ANXA10: variants seen among roughly 807,000 people sequenced by gnomAD.
ANXA10 encodes annexin 14.
In ANXA10, 49 loss-of-function variants were observed where a neutral mutation model predicts 53.5. The observed-to-expected ratio is 0.92, with a 90% CI of 0.73 to 1.16. The LOEUF (loss-of-function observed/expected upper bound fraction) is 1.16. ANXA10 is among the 50% of genes most tolerant of loss of function. The probability of loss-of-function intolerance (pLI) is 0.00; values close to 1 mark genes in which losing one functional copy is unlikely to be tolerated. For synonymous variants in ANXA10, 131 were observed against 128.9 expected, an observed-to-expected ratio of 1.02 and a Z score of -0.11; for missense variants, 393 against 394.4, an observed-to-expected ratio of 1.00 and a Z score of 0.03.
intron 3 of ANXA10, among the ~76,000 whole-genome samples, chr4:168,156,367 T>A (rs1449688658): frequency 1.4e-4 from 2 of 14,102 alleles, no homozygotes; most frequent in Non-Finnish European, 3.2e-4. Flanking sequence ...TATTATATAG[T>A]ATATATAATA....
At chr4:168,174,485 G>C (rs1483963691) in intron 6 of ANXA10, among the ~76,000 whole-genome samples, 1 of 152,162 alleles carries the variant, frequency 6.6e-6, no homozygotes, top group African/African-American at 2.4e-5. Flanking sequence ...TGCGGGCTGA[G>C]TGCGCAGTCA....
intron 1 of ANXA10, among the ~76,000 whole-genome samples, chr4:168,095,120 C>T (rs1355074831): frequency 6.6e-6 from 1 of 151,938 alleles, no homozygotes; most frequent in East Asian, 1.9e-4. Flanking sequence ...AGGATCTAAA[C>T]CCAGGTATCT....
intron 3 of ANXA10, among the ~76,000 whole-genome samples, chr4:168,156,498 G>A (rs1166969537): frequency 7.2e-6 from 1 of 139,494 alleles, no homozygotes; most frequent in South Asian, 2.2e-4. Flanking sequence ...CTTGTTTTTT[G>A]TTTTGTTTTG....
chr4:168,138,935 G>A lies in ANXA10; in HGVS notation c.101-551G>A, dbSNP rs139850874. Among the ~76,000 whole-genome samples the A allele has an allele frequency of 3.1e-3, 465 of 152,166 alleles. 6 individuals are homozygous for A. The highest frequency in any genetic ancestry group is 0.01 in the African/African-American group (427 of 41,518). ...ATAGAAATGCTGCTGATTTTCATAC[G>A]TTGCTTTTGTATCCTGAAACTTTAC... On this transcript the variant is annotated intron_variant, in intron 2 of 11. Coordinates refer to ENST00000359299, the MANE Select transcript of ANXA10 (RefSeq NM_007193.5).
At chr4:168,137,359 T>G (rs1007307732) in intron 2 of ANXA10, among the ~76,000 whole-genome samples, 1 of 152,208 alleles carries the variant, frequency 6.6e-6, no homozygotes, top group African/African-American at 2.4e-5. Context: ...GAGTCTGTGC[T>G]TTTAGTGTAC....
In ANXA10 at chr4:168,153,493, A is replaced by ACAGCAAG. The variant is rs111707904; in HGVS notation, c.196-9032_196-9031insCAAGCAG. On this transcript the variant is annotated intron_variant, in intron 3 of 11. Coordinates refer to ENST00000359299, the MANE Select transcript of ANXA10 (RefSeq NM_007193.5). ...AAACCAATAACAACAACAAAATAAG[A>ACAGCAAG]CAGGTTGGACAAGCTTGGGATATAG... 1.3e-4 allele frequency among the ~76,000 whole-genome samples: 19 copies of ACAGCAAG among 142,902 alleles called. No individual in the cohort carries two copies. The South Asian group carries it at 1.4e-3, about 11-fold the overall frequency. The allele number at this position is 142,902 out of a possible 152,430, so 93.7% of individuals were successfully genotyped here.
intron 3 of ANXA10, among the ~76,000 whole-genome samples, chr4:168,155,814 T>TGA (rs1328214710): frequency 1.3e-4 from 2 of 15,218 alleles, no homozygotes; most frequent in Admixed American, 1.4e-3. Context: ...ATATGATATA[T>TGA]TATATATGAT....
At chr4:168,112,153 G>A (rs1042681441) in intron 1 of ANXA10, among the ~76,000 whole-genome samples, 3 of 151,922 alleles carry the variant, frequency 2.0e-5, no homozygotes, top group East Asian at 1.9e-4. Context: ...AAAATTAGCC[G>A]GGCGTGGTGG....
At chr4:168,173,830 T>C (rs1374387665) in intron 6 of ANXA10, among the ~76,000 whole-genome samples, 1 of 152,202 alleles carries the variant, frequency 6.6e-6, no homozygotes, top group East Asian at 1.9e-4. Context: ...ATTCCTACCC[T>C]TCCCTAATTG....
intron 1 of ANXA10, among the ~76,000 whole-genome samples, chr4:168,113,642 G>A (rs1211845279): frequency 6.6e-6 from 1 of 152,208 alleles, no homozygotes; most frequent in Non-Finnish European, 1.5e-5. Context: ...TCACCTCCCA[G>A]AGGCTCCACC....
chr4:168,123,291 A>T (rs1452243512), intron 1 of ANXA10, among the ~76,000 whole-genome samples: 2 of 151,368 alleles, frequency 1.3e-5, no homozygotes, highest in Non-Finnish European at 2.9e-5. Context: ...AACAAAAAAA[A>T]CCCAGACTTT....
At chr4:168,170,907 T>A (rs546046322) in intron 6 of ANXA10, among the ~76,000 whole-genome samples, 1 of 152,252 alleles carries the variant, frequency 6.6e-6, no homozygotes, top group East Asian at 1.9e-4. Flanking sequence ...AATAATAGTC[T>A]CTTCGAAAAT....
At chr4:168,125,515 G>A (rs1171832942) in intron 1 of ANXA10, among the ~76,000 whole-genome samples, 1 of 152,150 alleles carries the variant, frequency 6.6e-6, no homozygotes, top group Non-Finnish European at 1.5e-5. Context: ...GTACTCAAAT[G>A]TGGGAAGCCT....
intron 2 of ANXA10, among the ~76,000 whole-genome samples, chr4:168,134,212 C>G (rs1239985022): frequency 2.6e-5 from 4 of 152,040 alleles, no homozygotes; most frequent in Middle Eastern, 3.5e-3. Flanking sequence ...TTGTCATTAG[C>G]AAAAAGCTCC....
At chr4:168,152,869 G>T (rs183806973) in intron 3 of ANXA10, among the ~76,000 whole-genome samples, 1 of 150,870 alleles carries the variant, frequency 6.6e-6, no homozygotes, top group East Asian at 1.9e-4. Flanking sequence ...TTGAGACAAG[G>T]TCTCACAGTT....
chr4:168,101,709 T>G lies in ANXA10; in HGVS notation c.18+8991T>G, dbSNP rs1164780220. On this transcript the variant is annotated intron_variant, in intron 1 of 11. Transcript: ENST00000359299. ...GGGTATCACTGTTTATATGCCCTCT[T>G]AAGAGTACAGAGCAAAAAATATGTG... Among the ~76,000 whole-genome samples the G allele has an allele frequency of 2.6e-5, 4 of 152,090 alleles. 1 individual carries two copies. The South Asian group carries it at 6.2e-4, about 24-fold the overall frequency.
Position 168,187,526 on chromosome 4 carries a change from T to G in ANXA10, c.*92T>G. The G allele has an allele frequency of 2.9e-6, 2 of 700,602 alleles. No individual in the cohort carries two copies. The highest frequency in any genetic ancestry group is 4.5e-6 in the Non-Finnish European group (2 of 443,104). 43.4% of individuals were successfully genotyped at this position (700,602 alleles called of 1,614,324 possible). ...AAATTTGTACTGTTCATGGCACTAT[T>G]AACAAAACTATACAATCATATTTTC... On this transcript the variant is annotated 3_prime_UTR_variant, in exon 12 of 12. Coordinates refer to ENST00000359299, the MANE Select transcript of ANXA10 (RefSeq NM_007193.5).
At chr4:168,161,544 C>T (rs1731783145) in intron 3 of ANXA10, among the ~76,000 whole-genome samples, 1 of 151,996 alleles carries the variant, frequency 6.6e-6, no homozygotes, top group South Asian at 2.1e-4. Context: ...GCTATTCAGG[C>T]TCTTTTTTTG....
chr4:168,104,254 G>A (rs1011519962), intron 1 of ANXA10, among the ~76,000 whole-genome samples: 3 of 151,862 alleles, frequency 2.0e-5, no homozygotes, highest in Admixed American at 6.6e-5. Context: ...ACACAACTAA[G>A]TTGTACTACA....
Sources: allele counts gnomAD v4.1 joint callset (sites outside exome capture counted in the v4.1 genomes callset), GRCh38; gene constraint gnomAD v4.1.1; transcripts MANE v1.5; gene names NCBI Gene and HGNC (gene_info 2026-07-23, HGNC 2026-07-21).